CHM: variants seen among roughly 807,000 people sequenced by gnomAD.
CHM encodes the protein CHM Rab escort protein, also known as rab proteins geranylgeranyltransferase component A 1.
In CHM, 10 loss-of-function variants were observed where a neutral mutation model predicts 49.0. The observed-to-expected ratio is 0.20, with a 90% confidence interval of 0.13 to 0.35. The LOEUF (loss-of-function observed/expected upper bound fraction) is 0.35. CHM is among the 10% of genes least tolerant of loss of function. The pLI, the probability that CHM is intolerant of heterozygous loss-of-function variation, is 1.00. For synonymous variants in CHM, 184 were observed against 167.5 expected, an observed-to-expected ratio of 1.10 and a Z score of -0.76; for missense variants, 455 against 478.4, an observed-to-expected ratio of 0.95 and a Z score of 0.46.
In CHM at chrX:85,884,959, C is replaced by T. The variant is rs368026359; in HGVS notation, c.1511-5896G>A. 2.1e-4 allele frequency among the ~76,000 whole-genome samples: 23 copies of T among 110,676 alleles called. No individual in the cohort carries two copies. In the East Asian group the frequency reaches 4.5e-3, roughly 22 times the overall value. Reference sequence around the variant, plus strand: ...AAGATTTAATGTTTTATATATTATACGCCACTGTGACACAGTAATTAAATA... The same window carrying T: ...AAGATTTAATGTTTTATATATTATATGCCACTGTGACACAGTAATTAAATA... On this transcript the variant is annotated intron_variant, in intron 12 of 14. Coordinates refer to ENST00000357749, the MANE Select transcript of CHM (RefSeq NM_000390.4).
chrX:86,007,902 A>ACTG (rs893812548), intron 2 of CHM, among the ~76,000 whole-genome samples: 4 of 112,193 alleles, frequency 3.6e-5, no homozygotes, highest in Non-Finnish European at 7.5e-5. Context: ...CCATCCCATT[A>ACTG]CTGGGTATAT....
intron 8 of CHM, among the ~76,000 whole-genome samples, chrX:85,929,543 T>C (rs1928298523): frequency 8.9e-6 from 1 of 112,147 alleles, no homozygotes; most frequent in African/African-American, 3.2e-5. Flanking sequence ...GAGTTTCTGT[T>C]TTCAGCAGTG....
In CHM at chrX:85,970,964, C is replaced by A. The variant is rs565993090; in HGVS notation, c.315-6912G>T. ...CTTTAGCCTGTTTTGCAATACCCAA[C>A]GTATTAAATTTAATGTTGAAATGAT... On this transcript the variant is annotated intron_variant, in intron 4 of 14. Transcript: ENST00000357749. 10 of 699,509 alleles carry A rather than the reference C, an allele frequency of 1.4e-5. No homozygotes were observed. The African/African-American group carries it at 2.1e-4, about 15-fold the overall frequency. The allele number at this position is 699,509 out of a possible 1,213,427, so 57.6% of individuals were successfully genotyped here.
At chrX:86,015,855 G>C (rs919382733) in intron 2 of CHM, among the ~76,000 whole-genome samples, 1 of 112,393 alleles carries the variant, frequency 8.9e-6, no homozygotes, top group Non-Finnish European at 1.9e-5. Context: ...ACTTGGGGCC[G>C]GGCGGGGTGG....
At chrX:85,883,584 T>C (rs1202986466) in intron 12 of CHM, among the ~76,000 whole-genome samples, 1 of 111,340 alleles carries the variant, frequency 9.0e-6, no homozygotes, top group Admixed American at 9.6e-5. Context: ...AGTTTACATA[T>C]AATAAAATCA....
At chrX:85,873,892 A>G (rs1333779255) in intron 13 of CHM, among the ~76,000 whole-genome samples, 1 of 112,031 alleles carries the variant, frequency 8.9e-6, no homozygotes, top group Non-Finnish European at 1.9e-5. Context: ...GGATTAAAAA[A>G]TTAATGACAA....
At chrX:86,037,675 A>T (rs952763293) in intron 1 of CHM, among the ~76,000 whole-genome samples, 5 of 111,958 alleles carry the variant, frequency 4.5e-5, no homozygotes, top group Non-Finnish European at 9.4e-5. Flanking sequence ...AAAATGTTAT[A>T]AAAATGATAC....
intron 2 of CHM, among the ~76,000 whole-genome samples, chrX:86,017,997 A>T (rs1933378705): frequency 8.9e-6 from 1 of 112,390 alleles, no homozygotes; most frequent in Non-Finnish European, 1.9e-5. Flanking sequence ...TAACAATTAG[A>T]GAAAACACAA....
intron 1 of CHM, among the ~76,000 whole-genome samples, chrX:86,045,968 T>C (rs951877974): frequency 8.9e-6 from 1 of 112,351 alleles, no homozygotes. Flanking sequence ...CATCTGTTCA[T>C]AGCAGCTACA....
At chrX:85,879,096 A>G (rs1354182097) in intron 12 of CHM, 33 bp from the exon 13 acceptor site, 5 of 983,819 alleles carry the variant, frequency 5.1e-6, no homozygotes, top group Non-Finnish European at 7.2e-6. Context: ...GTTCCTTGTC[A>G]TCACAAATCT....
At chrX:85,901,571 A>G (rs1926290983) in intron 9 of CHM, among the ~76,000 whole-genome samples, 1 of 111,613 alleles carries the variant, frequency 9.0e-6, no homozygotes, top group African/African-American at 3.3e-5. Context: ...TAAGAAAAGA[A>G]AGAGAGAAAA....
chrX:85,870,618 G>A (rs1923990262), intron 14 of CHM, among the ~76,000 whole-genome samples: 2 of 112,138 alleles, frequency 1.8e-5, no homozygotes, highest in South Asian at 7.4e-4. Flanking sequence ...AGCTATCAAT[G>A]TCTTGGGAAT....
chrX:85,870,526 T>C (rs1366396045), intron 14 of CHM, among the ~76,000 whole-genome samples: 1 of 111,731 alleles, frequency 9.0e-6, no homozygotes, highest in Non-Finnish European at 1.9e-5. Flanking sequence ...ATACTTGAAG[T>C]AAAATACAAA....
At chrX:85,947,046 G>C (rs1443693439) in intron 8 of CHM, among the ~76,000 whole-genome samples, 1 of 112,365 alleles carries the variant, frequency 8.9e-6, no homozygotes, top group East Asian at 2.8e-4. Context: ...TAAATAACTT[G>C]TTTTGATTTT....
chrX:86,014,869 C>G (rs1285958885), intron 2 of CHM, among the ~76,000 whole-genome samples: 1 of 109,954 alleles, frequency 9.1e-6, no homozygotes, highest in Non-Finnish European at 1.9e-5. Context: ...TACAAAAAGG[C>G]AAATCTAGAT....
intron 2 of CHM, among the ~76,000 whole-genome samples, chrX:86,007,210 G>T (rs1248414677): frequency 4.5e-5 from 5 of 112,035 alleles, no homozygotes; most frequent in Admixed American, 1.9e-4. Context: ...TAGCCATATG[G>T]AGAAAGCTGA....
chrX:85,994,073 TTAAC>T (rs1932331057), intron 2 of CHM, among the ~76,000 whole-genome samples: 1 of 111,845 alleles, frequency 8.9e-6, no homozygotes, highest in South Asian at 3.7e-4. Flanking sequence ...ATAATTATAG[TTAAC>T]TAAGGGAATT....
chrX:85,993,673 C>G (rs931243168), intron 2 of CHM, among the ~76,000 whole-genome samples: 3 of 111,861 alleles, frequency 2.7e-5, no homozygotes, highest in Non-Finnish European at 5.6e-5. Context: ...CAACCTAACT[C>G]CCCAGTCTTA....
intron 2 of CHM, among the ~76,000 whole-genome samples, chrX:86,004,422 C>A (rs1453404796): frequency 9.0e-6 from 1 of 111,700 alleles, no homozygotes; most frequent in Non-Finnish European, 1.9e-5. Context: ...ATATTAACCT[C>A]AAATGTAAAT....
Sources: gnomAD v4.1 joint callset for allele counts (sites outside exome capture counted in the v4.1 genomes callset) on GRCh38, gnomAD v4.1.1 for gene constraint, MANE v1.5 for transcripts, NCBI Gene and HGNC (gene_info 2026-07-23, HGNC 2026-07-21) for gene names.